The following FAM89A variants were observed in gnomAD, a reference collection of about 807,000 sequenced individuals.
The protein encoded by FAM89A is family with sequence similarity 89 member A.
Under a neutral mutation model 7.1 loss-of-function variants are expected in FAM89A, and 10 were observed. The ratio of observed to expected loss-of-function variants is 1.40; its 90% CI spans 0.86 to 2.38. The LOEUF is 2.38. Among genes scored for constraint, FAM89A ranks in the 30% most tolerant of loss-of-function variants. FAM89A has a pLI of 0.00. For missense variants in FAM89A, 276 were observed against 262.8 expected (o/e 1.05, Z -0.35); for synonymous variants, 157 against 129.3 (o/e 1.21, Z -1.45).
chr1:231,030,184 T>C (rs1680045083), intron 1 of FAM89A, among the ~76,000 whole-genome samples: 1 of 152,232 alleles, frequency 6.6e-6, no homozygotes, highest in Non-Finnish European at 1.5e-5. Context: ...TCGTGTCATC[T>C]GGTCAGCTTC....
intron 1 of FAM89A, among the ~76,000 whole-genome samples, chr1:231,027,886 G>A (rs11588372): frequency 0.51 from 77,793 of 152,144 alleles, 21,012 homozygotes; most frequent in Non-Finnish European, 0.59. Flanking sequence ...TGCCCTCGGC[G>A]TCTCCACCTG....
intron 1 of FAM89A, among the ~76,000 whole-genome samples, chr1:231,025,428 G>A (rs925099963): frequency 6.6e-6 from 1 of 152,092 alleles, no homozygotes; most frequent in Admixed American, 6.6e-5. Context: ...ATAAACTGTT[G>A]CTTCTCTGTC....
intron 1 of FAM89A, among the ~76,000 whole-genome samples, chr1:231,034,053 C>T (rs1006409198): frequency 6.6e-6 from 1 of 152,180 alleles, no homozygotes; most frequent in African/African-American, 2.4e-5. Context: ...ATCTTAATAA[C>T]TGGTGTAGAC....
At chr1:231,029,230 GTAATCCC>G (rs1680027600) in intron 1 of FAM89A, among the ~76,000 whole-genome samples, 1 of 152,216 alleles carries the variant, frequency 6.6e-6, no homozygotes, top group Admixed American at 6.5e-5. Context: ...GCTCACGCCT[GTAATCCC>G]AGCACTTTGG....
At chr1:231,030,892 T>C (rs1350403117) in intron 1 of FAM89A, among the ~76,000 whole-genome samples, 1 of 152,154 alleles carries the variant, frequency 6.6e-6, no homozygotes, top group East Asian at 1.9e-4. Context: ...GGTGGAGCAC[T>C]TGAGCCTGAG....
intron 1 of FAM89A, among the ~76,000 whole-genome samples, chr1:231,037,737 C>A (rs1401858084): frequency 6.6e-6 from 1 of 152,184 alleles, no homozygotes; most frequent in Non-Finnish European, 1.5e-5. Flanking sequence ...ACTCCCAGTT[C>A]CAGCTCCGCA....
intron 1 of FAM89A, among the ~76,000 whole-genome samples, chr1:231,033,676 C>T (rs889608064): frequency 6.6e-6 from 1 of 152,014 alleles, no homozygotes; most frequent in African/African-American, 2.4e-5. Context: ...CAGATGCTTA[C>T]CTTTAAACAA....
intron 1 of FAM89A, among the ~76,000 whole-genome samples, chr1:231,032,407 C>T (rs1680090996): frequency 7.5e-6 from 1 of 133,200 alleles, no homozygotes; most frequent in African/African-American, 2.8e-5. Context: ...CCACCCCCAG[C>T]AATGCATGAG....
intron 1 of FAM89A, among the ~76,000 whole-genome samples, chr1:231,038,444 A>C (rs560480012): frequency 7.2e-5 from 11 of 152,332 alleles, no homozygotes; most frequent in African/African-American, 2.6e-4. Flanking sequence ...TCAAGTATGG[A>C]ATTTAAATAA....
chr1:231,022,366 C>A (rs185126973), intron 1 of FAM89A, among the ~76,000 whole-genome samples: 6 of 152,332 alleles, frequency 3.9e-5, no homozygotes, highest in Non-Finnish European at 7.3e-5. Context: ...GGACCCAGGG[C>A]CCTCCCAGGC....
chr1:231,021,627 G>A (rs568698495), intron 1 of FAM89A: 22 of 1,536,254 alleles, frequency 1.4e-5, no homozygotes, highest in East Asian at 6.8e-5. Flanking sequence ...ACAAGAAAGC[G>A]TCGAGGTGGA....
intron 1 of FAM89A, 37 bp downstream of exon 1, chr1:231,039,884 G>A: frequency 2.3e-6 from 3 of 1,282,696 alleles, no homozygotes; most frequent in Non-Finnish European, 3.0e-6. Context: ...CGGCGAGCCC[G>A]GCCGGGAAGA....
chr1:231,039,275 GCCACCTC>G (rs1306814369), intron 1 of FAM89A, among the ~76,000 whole-genome samples: 1 of 152,234 alleles, frequency 6.6e-6, no homozygotes, highest in Non-Finnish European at 1.5e-5. Context: ...CGGGAGGACA[GCCACCTC>G]CCACCTTTCT....
In FAM89A at chr1:231,019,551, C is replaced by T. The variant is rs907857563; in HGVS notation, c.*312G>A. 4 of 299,986 alleles carry T rather than the reference C, an allele frequency of 1.3e-5. No homozygotes were observed. The highest frequency in any genetic ancestry group is 4.8e-5 in the Admixed American group (1 of 21,046). The allele number at this position is 299,986 out of a possible 1,614,324, so 18.6% of individuals were successfully genotyped here. On this transcript the variant is annotated 3_prime_UTR_variant, in exon 2 of 2. Coordinates refer to ENST00000366654, the MANE Select transcript of FAM89A (RefSeq NM_198552.3). The stretch of plus-strand genomic sequence containing the variant: ...CAAGCCACCTCACACAAAACACCCA[C>T]TAAGGCCTTTCACCGAGATCCTCTT...
chr1:231,033,911 C>G (rs1019432262), intron 1 of FAM89A, among the ~76,000 whole-genome samples: 1 of 152,058 alleles, frequency 6.6e-6, no homozygotes, highest in Non-Finnish European at 1.5e-5. Context: ...TTACTGTCCC[C>G]CACCCCACAC....
Position 231,024,520 on chromosome 1 carries a change from G to GCACACACACACACACACACACA in FAM89A, c.292-4416_292-4395dup, listed in dbSNP as rs3220109. 1.9e-3 allele frequency among the ~76,000 whole-genome samples: 276 copies of GCACACACACACACACACACACA among 144,538 alleles called. 1 individual carries two copies. The highest frequency in any genetic ancestry group is 5.0e-3 in the South Asian group (22 of 4,440). 94.8% of individuals were successfully genotyped at this position (144,538 alleles called of 152,430 possible). On this transcript the variant is annotated intron_variant, in intron 1 of 1. Transcript: ENST00000366654. ...AGAACTATGTTTTATTACATTGCAT[G>GCACACACACACACACACACACA]CACACACACACACACACACACACAC...
At position 231,019,578 on chromosome 1, in the gene FAM89A, T is replaced by G; in HGVS notation, c.*285A>C. Reference sequence around the variant, plus strand: ...AAGGCCTTTCACCGAGATCCTCTTGTTATATTCTCATTATGAATCCCCAGC... The same window carrying G: ...AAGGCCTTTCACCGAGATCCTCTTGGTATATTCTCATTATGAATCCCCAGC... On this transcript the variant is annotated 3_prime_UTR_variant, in exon 2 of 2. Transcript: ENST00000366654. 1 of 356,220 alleles carries G rather than the reference T, an allele frequency of 2.8e-6. No individual in the cohort carries two copies. Among genetic ancestry groups the G allele is most frequent in the Non-Finnish European group, 5.1e-6 (1 of 194,450 alleles). 22.1% of individuals were successfully genotyped at this position (356,220 alleles called of 1,614,324 possible).
Position 231,039,991 on chromosome 1 carries a change from G to A in FAM89A, c.221C>T (p.Ala74Val). 1 of 1,383,630 alleles carries A rather than the reference G, an allele frequency of 7.2e-7. No individual in the cohort carries two copies. Among genetic ancestry groups the A allele is most frequent in the Non-Finnish European group, 9.3e-7 (1 of 1,075,650 alleles). 85.7% of individuals were successfully genotyped at this position (1,383,630 alleles called of 1,614,324 possible). A position where few individuals can be genotyped will look rare whatever the true frequency, so the allele number is the denominator to read the frequency against. ...CTTGGCGGGCAGCGCTGCCGCCCGGGCCCCGCCGCCGCCCGGGCCCCCGCG... is the reference window on the plus strand; with the variant it reads ...CTTGGCGGGCAGCGCTGCCGCCCGGACCCCGCCGCCGCCCGGGCCCCCGCG... Reference protein sequence around the residue: ...LSRGGPGGGGARAAALPAKPP... With the variant: ...LSRGGPGGGGVRAAALPAKPP... The change falls in exon 1 of 2, where the codon GCC becomes GTC. Residue 74 changes from alanine to valine, a missense_variant. Transcript: ENST00000366654.
intron 1 of FAM89A, among the ~76,000 whole-genome samples, chr1:231,035,255 T>G (rs1345460434): frequency 6.6e-6 from 1 of 152,220 alleles, no homozygotes; most frequent in African/African-American, 2.4e-5. Context: ...GTTTCACAAA[T>G]TCAACTTTTT....
Sources: gnomAD v4.1 joint callset for allele counts (sites outside exome capture counted in the v4.1 genomes callset) on GRCh38, gnomAD v4.1.1 for gene constraint, MANE v1.5 for transcripts, NCBI Gene and HGNC (gene_info 2026-07-23, HGNC 2026-07-21) for gene names.